Variants in COL14A1 observed in about 807,000 individuals in gnomAD.
COL14A1 encodes collagen alpha-1(XIV) chain.
A neutral mutation model predicts 230.3 loss-of-function variants in COL14A1; 136 were observed. The observed-to-expected ratio is 0.59, with a 90% confidence interval of 0.51 to 0.68. The LOEUF (loss-of-function observed/expected upper bound fraction) is 0.68. Ranked by LOEUF, COL14A1 falls within the 30% of genes least tolerant of loss-of-function variation. COL14A1 has a pLI of 0.00. For missense variants in COL14A1, 1,976 were observed against 2,215.8 expected (o/e 0.89, Z 2.17); for synonymous variants, 792 against 784.1 (o/e 1.01, Z -0.17).
At chr8:120,171,043 C>T (rs1033327509) in intron 5 of COL14A1, among the ~76,000 whole-genome samples, 4 of 152,024 alleles carry the variant, frequency 2.6e-5, no homozygotes, top group Non-Finnish European at 5.9e-5. Flanking sequence ...TATTACCCTA[C>T]ATTTTTCTTA....
Position 120,280,015 on chromosome 8 carries a change from C to T in COL14A1, c.3562C>T (p.His1188Tyr), listed in dbSNP as rs1395496824. Residue 1188 changes from histidine to tyrosine, a missense_variant, in exon 29 of 48, where the codon CAT becomes TAT. By Grantham distance (83) the His-to-Tyr change is moderately conservative. Coordinates refer to ENST00000297848, the MANE Select transcript of COL14A1 (RefSeq NM_021110.4). ...VSIGSKPSAR[H>Y]VFFVDDFDAF... Reference sequence around the variant, plus strand: ...CATTGGCAGTAAGCCCAGCGCACGCCATGTCTTCTTTGTGGATGACTTTGA... The same window carrying T: ...CATTGGCAGTAAGCCCAGCGCACGCTATGTCTTCTTTGTGGATGACTTTGA... 1.2e-6 allele frequency: 2 copies of T among 1,613,768 alleles called. No homozygotes were observed. Among genetic ancestry groups the T allele is most frequent in the Non-Finnish European group, 1.7e-6 (2 of 1,179,882 alleles).
chr8:120,320,016 C>T (rs557832008), intron 40 of COL14A1, among the ~76,000 whole-genome samples: 15 of 152,278 alleles, frequency 9.9e-5, no homozygotes, highest in Middle Eastern at 3.4e-3. Context: ...AGGACCTATC[C>T]TGTGATCTTT....
intron 40 of COL14A1, 123 bp from the exon 41 acceptor site, chr8:120,332,018 T>C (rs1821885649): frequency 3.8e-6 from 3 of 787,766 alleles, no homozygotes; most frequent in Admixed American, 4.3e-5. Context: ...AGGCAGTGAA[T>C]CCTTGGTAGT....
rs923509814 is a variant in COL14A1 at position 120,163,534 on chromosome 8, C to T, written c.349+965C>T. Among the ~76,000 whole-genome samples the T allele has an allele frequency of 3.9e-5, 6 of 152,176 alleles. No individual in the cohort carries two copies. The South Asian group carries it at 6.2e-4, about 16-fold the overall frequency. ...ATCCCAGCACTTTGGGAGGCCGAGG[C>T]GGGCGGATCACCTGAGGTCAGGAGT... On this transcript the variant is annotated intron_variant, in intron 4 of 47. Coordinates refer to ENST00000297848, the MANE Select transcript of COL14A1 (RefSeq NM_021110.4).
At chr8:120,318,246 T>C (rs1821305926) in intron 40 of COL14A1, among the ~76,000 whole-genome samples, 2 of 152,204 alleles carry the variant, frequency 1.3e-5, no homozygotes, top group South Asian at 2.1e-4. Flanking sequence ...AGTTGTTCAT[T>C]ACTGCCTACA....
chr8:120,348,302 A>G (rs1443852774), intron 45 of COL14A1, among the ~76,000 whole-genome samples: 2 of 148,362 alleles, frequency 1.3e-5, no homozygotes, highest in African/African-American at 4.9e-5. Flanking sequence ...AAGCATATAT[A>G]AAGCATATAT....
chr8:120,230,961 A>G (rs924386531), intron 18 of COL14A1, among the ~76,000 whole-genome samples: 1 of 152,180 alleles, frequency 6.6e-6, no homozygotes, highest in Non-Finnish European at 1.5e-5. Flanking sequence ...TGTGGGCTGA[A>G]TGGATAAAGG....
intron 5 of COL14A1, among the ~76,000 whole-genome samples, chr8:120,191,748 A>G (rs1317580431): frequency 1.3e-5 from 2 of 151,428 alleles, no homozygotes; most frequent in Non-Finnish European, 3.0e-5. Context: ...GTGCATATAT[A>G]TTTAGGATAG....
intron 5 of COL14A1, among the ~76,000 whole-genome samples, chr8:120,177,769 A>C (rs1323087360): frequency 1.3e-5 from 2 of 150,270 alleles, no homozygotes; most frequent in African/African-American, 4.9e-5. Flanking sequence ...CTAATCTCAG[A>C]AATATTTGAA....
chr8:120,127,625 GA>G (rs2130363560), intron 1 of COL14A1, among the ~76,000 whole-genome samples: 1 of 152,340 alleles, frequency 6.6e-6, no homozygotes, highest in South Asian at 2.1e-4. Context: ...GGGCTCTAGG[GA>G]AAGCCCCTAG....
At chr8:120,193,670 G>T (rs1468073658) in intron 5 of COL14A1, among the ~76,000 whole-genome samples, 3 of 152,186 alleles carry the variant, frequency 2.0e-5, no homozygotes, top group Non-Finnish European at 2.9e-5. Context: ...TACAGAGGCA[G>T]GCAGGCCTCC....
chr8:120,229,399 A>T (rs1818195881), intron 18 of COL14A1, among the ~76,000 whole-genome samples: 1 of 151,648 alleles, frequency 6.6e-6, no homozygotes. Flanking sequence ...ACTGAGAATG[A>T]TGATTTCCAA....
At chr8:120,152,989 A>T (rs1815340685) in intron 2 of COL14A1, among the ~76,000 whole-genome samples, 1 of 152,168 alleles carries the variant, frequency 6.6e-6, no homozygotes, top group African/African-American at 2.4e-5. Context: ...AAAGTTGAGA[A>T]TATTTTCCTT....
chr8:120,321,360 G>C (rs1171453976), intron 40 of COL14A1, among the ~76,000 whole-genome samples: 1 of 152,132 alleles, frequency 6.6e-6, no homozygotes, highest in Non-Finnish European at 1.5e-5. Flanking sequence ...ATACTTCTGG[G>C]CCAGGCACGG....
intron 34 of COL14A1, among the ~76,000 whole-genome samples, chr8:120,294,581 C>T (rs982794363): frequency 2.1e-5 from 1 of 47,948 alleles, no homozygotes; most frequent in African/African-American, 9.4e-5. Flanking sequence ...TTTTAAGGTA[C>T]TCAAATATGA....
intron 26 of COL14A1, chr8:120,277,481 G>A (rs1292256601): frequency 6.6e-6 from 1 of 152,034 alleles, no homozygotes; most frequent in Admixed American, 6.6e-5. Flanking sequence ...TATGTTCATT[G>A]CAGCACTATT....
At chr8:120,257,256 A>G (rs1197972656) in intron 23 of COL14A1, among the ~76,000 whole-genome samples, 1 of 152,188 alleles carries the variant, frequency 6.6e-6, no homozygotes, top group Non-Finnish European at 1.5e-5. Flanking sequence ...CTGAACCTTT[A>G]TAGTCTTAAT....
intron 40 of COL14A1, 34 bp from the exon 41 acceptor site, chr8:120,332,107 C>A: frequency 6.2e-7 from 1 of 1,607,190 alleles, no homozygotes; most frequent in Non-Finnish European, 8.5e-7. Flanking sequence ...TATAAAGCAA[C>A]CACTTGCTGA....
intron 45 of COL14A1, among the ~76,000 whole-genome samples, chr8:120,357,284 AC>A (rs2130350147): frequency 6.6e-6 from 1 of 152,186 alleles, no homozygotes; most frequent in South Asian, 2.1e-4. Context: ...CCATCACAGG[AC>A]TGTTGGCAGG....
Sources: gnomAD v4.1 joint callset for allele counts (sites outside exome capture counted in the v4.1 genomes callset) on GRCh38, gnomAD v4.1.1 for gene constraint, MANE v1.5 for transcripts, NCBI Gene and HGNC (gene_info 2026-07-23, HGNC 2026-07-21) for gene names.